NDC1: variants seen among roughly 807,000 people sequenced by gnomAD.
NDC1 encodes NDC1 transmembrane nucleoporin.
In NDC1, 24 loss-of-function variants were observed where a neutral mutation model predicts 89.8. The observed-to-expected ratio is 0.27, with a 90% CI of 0.19 to 0.38. NDC1 has a LOEUF of 0.38. Ranked by LOEUF, NDC1 falls within the 10% of genes least tolerant of loss-of-function variation. The pLI is 1.00. For missense variants in NDC1, 728 were observed against 797.6 expected (o/e 0.91, Z 1.05); for synonymous variants, 296 against 284.8 (o/e 1.04, Z -0.39).
chr1:53,772,440 C>T lies in NDC1; in HGVS notation c.1850G>A (p.Arg617Gln), dbSNP rs1351569869. The T allele has an allele frequency of 3.0e-5, 48 of 1,613,206 alleles. No individual in the cohort carries two copies. Among genetic ancestry groups the T allele is most frequent in the East Asian group, 4.5e-5 (2 of 44,888 alleles). Reference sequence around the variant, plus strand: ...AGTGTCCACAAGGCTTCCTGAAATCCGGGGTGGTTTACTGGAAGCATGAGG... The same window carrying T: ...AGTGTCCACAAGGCTTCCTGAAATCTGGGGTGGTTTACTGGAAGCATGAGG... ...KLPHASSKPP[R>Q]ISGSLVDTSY... Residue 617 changes from arginine (R) to glutamine (Q), a missense_variant, in exon 17 of 18, where the codon CGG becomes CAG. Arg to Gln is a conservative substitution (Grantham distance 43). Transcript: ENST00000371429.
At chr1:53,779,690 G>C (rs1056924818) in intron 16 of NDC1, among the ~76,000 whole-genome samples, 4 of 152,182 alleles carry the variant, frequency 2.6e-5, no homozygotes, top group African/African-American at 9.6e-5. Context: ...TCATGAATAA[G>C]TTGTACTCAC....
At chr1:53,807,929 T>C in intron 7 of NDC1, 138 bp from the exon 8 acceptor site, 1 of 808,794 alleles carries the variant, frequency 1.2e-6, no homozygotes, top group Admixed American at 3.0e-5. Flanking sequence ...GATATCTTTA[T>C]AAAGCTCTTT....
At chr1:53,800,560 C>T in intron 11 of NDC1, 133 bp downstream of exon 11, 2 of 840,272 alleles carry the variant, frequency 2.4e-6, no homozygotes, top group Non-Finnish European at 1.9e-6. Flanking sequence ...CTCTTGACCT[C>T]ATGATCCGCC....
chr1:53,820,183 A>G (rs1453437976), intron 5 of NDC1, among the ~76,000 whole-genome samples: 1 of 152,014 alleles, frequency 6.6e-6, no homozygotes, highest in African/African-American at 2.4e-5. Flanking sequence ...TGAACCCAGG[A>G]GGCAGAGGTT....
At chr1:53,779,302 C>T (rs566487795) in intron 16 of NDC1, among the ~76,000 whole-genome samples, 2 of 152,066 alleles carry the variant, frequency 1.3e-5, no homozygotes, top group East Asian at 3.9e-4. Context: ...TCACTCCCAT[C>T]TTCCAGATAT....
chr1:53,819,497 C>T (rs1024741311), intron 5 of NDC1, among the ~76,000 whole-genome samples: 4 of 152,138 alleles, frequency 2.6e-5, no homozygotes, highest in South Asian at 2.1e-4. Context: ...TACTACTACC[C>T]TCATCTTAGA....
At chr1:53,822,955 G>C (rs1648724046) in intron 5 of NDC1, among the ~76,000 whole-genome samples, 1 of 152,030 alleles carries the variant, frequency 6.6e-6, no homozygotes, top group South Asian at 2.1e-4. Context: ...AATCCAACTT[G>C]CTTCCTTAGC....
At chr1:53,818,934 A>G in intron 6 of NDC1, 37 bp downstream of exon 6, 2 of 928,316 alleles carry the variant, frequency 2.2e-6, no homozygotes, top group East Asian at 4.9e-5. Flanking sequence ...GGGCTATGAG[A>G]TAATATATCA....
At chr1:53,821,616 T>C (rs935642857) in intron 5 of NDC1, among the ~76,000 whole-genome samples, 2 of 152,184 alleles carry the variant, frequency 1.3e-5, no homozygotes, top group Non-Finnish European at 2.9e-5. Context: ...AAAAACGCCA[T>C]AGTTCCTATG....
intron 6 of NDC1, among the ~76,000 whole-genome samples, chr1:53,814,136 G>A (rs1570215795): frequency 6.6e-6 from 1 of 152,066 alleles, no homozygotes; most frequent in African/African-American, 2.4e-5. Context: ...GGTGGATCAC[G>A]AGGTCAGGAG....
intron 17 of NDC1, 71 bp from the exon 18 acceptor site, chr1:53,768,104 A>ATTT: frequency 1.1e-6 from 1 of 913,840 alleles, no homozygotes; most frequent in Non-Finnish European, 1.6e-6. Flanking sequence ...CACAGAGCAC[A>ATTT]GAGACAATAT....
At chr1:53,789,807 A>T (rs1570175096) in intron 14 of NDC1, among the ~76,000 whole-genome samples, 1 of 151,680 alleles carries the variant, frequency 6.6e-6, no homozygotes, top group East Asian at 1.9e-4. Context: ...CTCAAAAAAA[A>T]AAAAAAAAAA....
At chr1:53,835,844 T>G (rs1215997858) in intron 1 of NDC1, among the ~76,000 whole-genome samples, 1 of 152,186 alleles carries the variant, frequency 6.6e-6, no homozygotes, top group Non-Finnish European at 1.5e-5. Flanking sequence ...AATATCATAC[T>G]TTGTATGAGG....
At position 53,773,252 on chromosome 1, in the gene NDC1, G is replaced by A. The variant is rs192898865; in HGVS notation, c.1801-763C>T. Among the ~76,000 whole-genome samples the A allele has an allele frequency of 3.2e-4, 48 of 152,158 alleles. 1 individual carries two copies. Among genetic ancestry groups the A allele is most frequent in the East Asian group, 3.9e-4 (2 of 5,180 alleles). On this transcript the variant is annotated intron_variant, in intron 16 of 17. Coordinates refer to ENST00000371429, the MANE Select transcript of NDC1 (RefSeq NM_018087.5). Reference sequence around the variant, plus strand: ...ACTGACAAGATACAACAGTATAAGCGTACTATTTATAGTTATGAATGTAAC... The same window carrying A: ...ACTGACAAGATACAACAGTATAAGCATACTATTTATAGTTATGAATGTAAC...
At chr1:53,793,000 A>G (rs1647573083) in intron 14 of NDC1, among the ~76,000 whole-genome samples, 1 of 152,250 alleles carries the variant, frequency 6.6e-6, no homozygotes, top group South Asian at 2.1e-4. Flanking sequence ...GCCAGCAGCC[A>G]AGAGATACGA....
intron 16 of NDC1, among the ~76,000 whole-genome samples, chr1:53,784,778 G>A (rs537451611): frequency 2.0e-5 from 3 of 150,466 alleles, no homozygotes; most frequent in East Asian, 3.9e-4. Flanking sequence ...GCGAAAGAGC[G>A]AGACTCTGTC....
At chr1:53,788,264 A>T (rs1210096077) in intron 15 of NDC1, among the ~76,000 whole-genome samples, 2 of 152,136 alleles carry the variant, frequency 1.3e-5, no homozygotes, top group Non-Finnish European at 2.9e-5. Flanking sequence ...ATTGAACTCC[A>T]GCTTGGGAGA....
intron 13 of NDC1, among the ~76,000 whole-genome samples, chr1:53,794,871 A>G (rs1290889987): frequency 6.6e-6 from 1 of 151,838 alleles, no homozygotes; most frequent in Admixed American, 6.6e-5. Context: ...CAGACCAAGA[A>G]CCCATCTCAA....
chr1:53,818,712 G>A (rs1449662500), intron 6 of NDC1, among the ~76,000 whole-genome samples: 1 of 151,632 alleles, frequency 6.6e-6, no homozygotes, highest in African/African-American at 2.4e-5. Context: ...ATGTCCTCAA[G>A]GTTTATTCAA....
Sources: allele counts gnomAD v4.1 joint callset (sites outside exome capture counted in the v4.1 genomes callset), GRCh38; gene constraint gnomAD v4.1.1; transcripts MANE v1.5; gene names NCBI Gene and HGNC (gene_info 2026-07-23, HGNC 2026-07-21).